AGMO: variants seen among roughly 807,000 people sequenced by gnomAD.
AGMO encodes glyceryl-ether monooxygenase.
In AGMO, 75 loss-of-function variants were observed where a neutral mutation model predicts 60.2. The ratio of observed to expected loss-of-function variants is 1.25; its 90% CI spans 1.03 to 1.51. AGMO has a LOEUF of 1.51. AGMO is among the 40% of genes most tolerant of loss of function. AGMO has a pLI of 0.00. For missense variants in AGMO, 763 were observed against 525.5 expected (o/e 1.45, Z -4.42); for synonymous variants, 261 against 177.1 (o/e 1.47, Z -3.76).
chr7:15,167,761 G>T, the AGMO span, among the ~76,000 whole-genome samples: 2 of 152,270 alleles, frequency 1.3e-5, no homozygotes, highest in African/African-American at 4.8e-5. Context: ...TCTTTTAGCT[G>T]TATGGCAATA....
chr7:15,138,555 A>G, the AGMO span, among the ~76,000 whole-genome samples: 1 of 152,220 alleles, frequency 6.6e-6, no homozygotes, highest in Admixed American at 6.5e-5. Context: ...AAAAATACAT[A>G]AAATAACCTG....
chr7:15,315,558 G>A (rs1178878462), intron 12 of AGMO, among the ~76,000 whole-genome samples: 2 of 151,886 alleles, frequency 1.3e-5, no homozygotes, highest in South Asian at 2.1e-4. Flanking sequence ...GGATGGTCTC[G>A]ATCTCCTGAC....
intron 2 of AGMO, among the ~76,000 whole-genome samples, chr7:15,548,038 A>AC (rs988492464): frequency 4.6e-5 from 7 of 150,540 alleles, no homozygotes; most frequent in East Asian, 1.9e-4. Context: ...ACTAGGAGGC[A>AC]CCCCCCAGCA....
intron 12 of AGMO, among the ~76,000 whole-genome samples, chr7:15,324,918 C>T (rs370808054): frequency 2.0e-5 from 3 of 152,076 alleles, no homozygotes; most frequent in East Asian, 3.9e-4. Context: ...GGCCACCAAC[C>T]AGTCCGTGGT....
At chr7:15,399,811 A>T (rs953515149) in intron 5 of AGMO, among the ~76,000 whole-genome samples, 1 of 152,212 alleles carries the variant, frequency 6.6e-6, no homozygotes, top group Non-Finnish European at 1.5e-5. Context: ...GACTCCTTGT[A>T]ATGAACCAAA....
chr7:15,374,583 A>G (rs1460308693), intron 10 of AGMO, among the ~76,000 whole-genome samples: 1 of 146,670 alleles, frequency 6.8e-6, no homozygotes, highest in African/African-American at 2.5e-5. Flanking sequence ...TCACCCTCCT[A>G]CCTGGAAAAA....
intron 12 of AGMO, among the ~76,000 whole-genome samples, chr7:15,298,650 C>T (rs4527773): frequency 0.34 from 52,226 of 151,944 alleles, 10,534 homozygotes; most frequent in East Asian, 0.5. Flanking sequence ...AATTCACCAG[C>T]CTCAGCCTCC....
intron 12 of AGMO, among the ~76,000 whole-genome samples, chr7:15,222,762 C>T (rs1781960208): frequency 6.6e-6 from 1 of 151,942 alleles, no homozygotes. Context: ...CTATCTTTCT[C>T]TCTCTGTCTC....
At chr7:15,537,966 G>A (rs925678664) in intron 3 of AGMO, among the ~76,000 whole-genome samples, 5 of 152,080 alleles carry the variant, frequency 3.3e-5, no homozygotes, top group South Asian at 2.1e-4. Flanking sequence ...GTGGGATGGC[G>A]CCTGTCACTG....
chr7:15,367,494 T>C (rs1471591508), intron 10 of AGMO, among the ~76,000 whole-genome samples: 1 of 152,016 alleles, frequency 6.6e-6, no homozygotes, highest in East Asian at 1.9e-4. Context: ...AAACAAAGGA[T>C]TATCTAACTT....
chr7:15,521,813 C>G (rs984744136), intron 3 of AGMO, among the ~76,000 whole-genome samples: 1 of 152,106 alleles, frequency 6.6e-6, no homozygotes, highest in African/African-American at 2.4e-5. Context: ...TCTCTCATCA[C>G]CCCTATTCAA....
intron 12 of AGMO, among the ~76,000 whole-genome samples, chr7:15,308,343 C>A (rs1481611047): frequency 6.6e-6 from 1 of 151,864 alleles, no homozygotes; most frequent in African/African-American, 2.4e-5. Flanking sequence ...CACTACTGAC[C>A]TTACCCCCAC....
At chr7:15,529,082 C>T (rs920718934) in intron 3 of AGMO, among the ~76,000 whole-genome samples, 1 of 152,070 alleles carries the variant, frequency 6.6e-6, no homozygotes, top group African/African-American at 2.4e-5. Flanking sequence ...CTAATTAAAA[C>T]GTTCAAAACA....
intron 3 of AGMO, among the ~76,000 whole-genome samples, chr7:15,499,180 A>G (rs1343701267): frequency 6.6e-6 from 1 of 151,868 alleles, no homozygotes; most frequent in Non-Finnish European, 1.5e-5. Context: ...TTTTCCGTCT[A>G]GAAGTAAGCT....
chr7:15,511,422 A>C (rs1209264265), intron 3 of AGMO, among the ~76,000 whole-genome samples: 1 of 152,112 alleles, frequency 6.6e-6, no homozygotes, highest in African/African-American at 2.4e-5. Context: ...TGAACAAAAC[A>C]ACTTTCTTTG....
intron 12 of AGMO, among the ~76,000 whole-genome samples, chr7:15,245,185 T>C (rs1311765475): frequency 6.6e-6 from 1 of 152,166 alleles, no homozygotes; most frequent in African/African-American, 2.4e-5. Context: ...CATTACAAAT[T>C]TAATGTTTCC....
chr7:15,439,554 A>C (rs1781493279), intron 3 of AGMO, among the ~76,000 whole-genome samples: 1 of 152,196 alleles, frequency 6.6e-6, no homozygotes, highest in Non-Finnish European at 1.5e-5. Flanking sequence ...AACAGGGCTC[A>C]TATCTTATCA....
At chr7:15,178,409 C>G in the AGMO span, among the ~76,000 whole-genome samples, 19 of 152,164 alleles carry the variant, frequency 1.2e-4, no homozygotes, top group African/African-American at 4.3e-4. Context: ...AACTCATTTA[C>G]TGCATAATCT....
intron 8 of AGMO, among the ~76,000 whole-genome samples, chr7:15,390,313 G>C (rs1039057034): frequency 5.3e-5 from 8 of 152,138 alleles, no homozygotes; most frequent in Non-Finnish European, 1.2e-4. Flanking sequence ...ATGCACCCTG[G>C]AAGCAAATAT....
Sources: gnomAD v4.1 joint callset for allele counts (sites outside exome capture counted in the v4.1 genomes callset) on GRCh38, gnomAD v4.1.1 for gene constraint, MANE v1.5 for transcripts, NCBI Gene and HGNC (gene_info 2026-07-23, HGNC 2026-07-21) for gene names.